Variants in MAPK10 observed in about 807,000 individuals in gnomAD.
MAPK10 encodes the protein JNK3 alpha protein kinase.
MAPK10 carries 25 observed loss-of-function variants against 59.3 expected under a neutral mutation model. The observed-to-expected ratio is 0.42, with a 90% CI of 0.31 to 0.59. The LOEUF (loss-of-function observed/expected upper bound fraction) is 0.59, where lower values mean the gene tolerates loss of function less well. MAPK10 is among the 20% of genes least tolerant of loss of function. The pLI, the probability that MAPK10 is intolerant of heterozygous loss-of-function variation, is 0.15. For synonymous variants in MAPK10, 190 were observed against 200.5 expected (o/e 0.95, Z 0.44); for missense variants, 351 against 568.9 (o/e 0.62, Z 3.90).
Position 86,071,024 on chromosome 4 carries a change from G to C in MAPK10, c.803-3069C>G, listed in dbSNP as rs551574066. Among the ~76,000 whole-genome samples the C allele has an allele frequency of 1.6e-3, 242 of 151,824 alleles. 1 individual carries two copies. Among genetic ancestry groups the C allele is most frequent in the African/African-American group, 4.7e-3 (194 of 41,412 alleles). On this transcript the variant is annotated intron_variant, in intron 9 of 13. Coordinates refer to ENST00000641462, the MANE Select transcript of MAPK10 (RefSeq NM_138982.4). ...GTCCCACCAACAGTGTAAAAGTGTT[G>C]CTATTTCTCCACATCCTCTCCAGCA...
intron 2 of MAPK10, among the ~76,000 whole-genome samples, chr4:86,212,522 A>G (rs1441375770): frequency 6.6e-6 from 1 of 152,186 alleles, no homozygotes; most frequent in African/African-American, 2.4e-5. Flanking sequence ...CCCTGTCTTG[A>G]AAACAAACTA....
At chr4:86,508,324 T>TCC (rs1348086245) in intron 1 of MAPK10, among the ~76,000 whole-genome samples, 4 of 152,128 alleles carry the variant, frequency 2.6e-5, no homozygotes, top group Non-Finnish European at 5.9e-5. Flanking sequence ...ACTCTTGGAC[T>TCC]CCCTCCCTTT....
At chr4:86,204,856 G>A (rs1489705840) in intron 2 of MAPK10, among the ~76,000 whole-genome samples, 2 of 152,000 alleles carry the variant, frequency 1.3e-5, no homozygotes, top group African/African-American at 4.8e-5. Flanking sequence ...CATAATCTAT[G>A]TGAGCTGATC....
At position 86,194,335 on chromosome 4, in the gene MAPK10, C is replaced by G. The variant is rs200408059; in HGVS notation, c.66+1G>C. On this transcript the variant is annotated splice_donor_variant, in intron 3 of 13. Coordinates refer to ENST00000641462, the MANE Select transcript of MAPK10 (RefSeq NM_138982.4). LOFTEE classifies it high-confidence loss of function. ...TTGTTTTACCTGTAAGGAACACACA[C>G]CTGACAAAAGGCAATTTTCACATCC... The G allele has an allele frequency of 1.2e-6, 2 of 1,612,528 alleles. No homozygotes were observed. The highest frequency in any genetic ancestry group is 2.7e-5 in the African/African-American group (2 of 74,970).
intron 1 of MAPK10, among the ~76,000 whole-genome samples, chr4:86,433,516 G>A (rs1748311185): frequency 6.7e-6 from 1 of 149,386 alleles, no homozygotes; most frequent in Admixed American, 6.7e-5. Context: ...TCCTATGTGT[G>A]GTCCAGGATC....
chr4:86,284,583 T>C (rs1020763112), intron 2 of MAPK10, among the ~76,000 whole-genome samples: 2 of 152,214 alleles, frequency 1.3e-5, no homozygotes, highest in African/African-American at 4.8e-5. Context: ...GGAATAATAC[T>C]ACCGGCCTCA....
rs1456875863 is a variant in MAPK10, at chr4:86,332,342, T to G, written c.-7+22188A>C. On this transcript the variant is annotated intron_variant, in intron 2 of 13. Coordinates refer to ENST00000641462, the MANE Select transcript of MAPK10 (RefSeq NM_138982.4). ...TCTCCTTCATTGGGAAGTTATTTTT[T>G]TAATTATTCTAAAAAGTTTTAAAAT... 5.9e-5 allele frequency among the ~76,000 whole-genome samples: 9 copies of G among 152,336 alleles called. No homozygotes were observed. The East Asian group carries it at 1.7e-3, about 29-fold the overall frequency.
chr4:86,367,560 A>G (rs929605156), intron 1 of MAPK10, among the ~76,000 whole-genome samples: 1 of 152,184 alleles, frequency 6.6e-6, no homozygotes, highest in African/African-American at 2.4e-5. Flanking sequence ...TGAGAGGCCA[A>G]AGAAAGAGGC....
At chr4:86,432,314 A>G (rs184380197) in intron 1 of MAPK10, among the ~76,000 whole-genome samples, 1 of 152,206 alleles carries the variant, frequency 6.6e-6, no homozygotes, top group African/African-American at 2.4e-5. Context: ...TTGCCCTGTC[A>G]CTGAGGCTGG....
In MAPK10 at chr4:86,546,511, C is replaced by T. The variant is rs191626335; in HGVS notation, c.-263+47399G>A. ...AGCGGAGGTTGCAGTGAGACGAGAT[C>T]GCGCTACTGCACTCCAGCCTGGGGG... On this transcript the variant is annotated intron_variant, in intron 1 of 4. Transcript: ENST00000502302. Among the ~76,000 whole-genome samples the T allele has an allele frequency of 9.6e-3, 1,445 of 149,982 alleles. 8 individuals carry two copies. The highest frequency in any genetic ancestry group is 0.014 in the Non-Finnish European group (964 of 67,716).
chr4:86,222,062 C>T (rs1191488555), intron 2 of MAPK10, among the ~76,000 whole-genome samples: 1 of 152,164 alleles, frequency 6.6e-6, no homozygotes, highest in African/African-American at 2.4e-5. Context: ...ACATGTAAGA[C>T]ATGCCAGCTT....
At chr4:86,283,918 G>C (rs1397135933) in intron 2 of MAPK10, among the ~76,000 whole-genome samples, 2 of 152,190 alleles carry the variant, frequency 1.3e-5, no homozygotes, top group African/African-American at 4.8e-5. Context: ...GGGAAAAGGG[G>C]GGTTTTCAAG....
rs534328700 is a variant in MAPK10 at position 86,525,270 on chromosome 4, T to C, written c.-263+68640A>G. Among the ~76,000 whole-genome samples, 5 of 152,268 alleles carry C rather than the reference T, an allele frequency of 3.3e-5. No homozygotes were observed. In the East Asian group the frequency reaches 7.7e-4, roughly 24 times the overall value. ...CAAGATCATGCCACTGACTCCAGCC[T>C]GGGTGACAGAGTGAGACCCCATCTC... On this transcript the variant is annotated intron_variant, in intron 1 of 4. Coordinates refer to the MAPK10 transcript ENST00000502302.
At chr4:86,176,449 G>C (rs1297533270) in intron 3 of MAPK10, among the ~76,000 whole-genome samples, 1 of 152,006 alleles carries the variant, frequency 6.6e-6, no homozygotes, top group African/African-American at 2.4e-5. Flanking sequence ...CTTGAATTCA[G>C]GTTAAACCAA....
chr4:86,467,889 A>C (rs982067734), intron 1 of MAPK10, among the ~76,000 whole-genome samples: 6 of 152,172 alleles, frequency 3.9e-5, no homozygotes, highest in Admixed American at 6.5e-5. Flanking sequence ...AAAAAAACCA[A>C]GAGTCCCCAT....
Position 86,101,138 on chromosome 4 carries a change from C to G in MAPK10, c.644G>C (p.Gly215Ala). The G allele has an allele frequency of 6.2e-7, 1 of 1,613,850 alleles. No individual in the cohort carries two copies. The highest frequency in any genetic ancestry group is 8.5e-7 in the Non-Finnish European group (1 of 1,179,814). The part of the protein sequence containing the change: ...ILDFGLARTA[G>A]TSFMMTPYVV... ...ATATGGAGTCATCATGAAGCTTGTGCCTGCTGTCCTGGCCAGTCCAAAGTC... is the reference window on the plus strand; with the variant it reads ...ATATGGAGTCATCATGAAGCTTGTGGCTGCTGTCCTGGCCAGTCCAAAGTC... The change falls in exon 8 of 14, where the codon GGC becomes GCC. Residue 215 changes from glycine (G) to alanine (A), a missense_variant. Around this residue, in one of 5 missense-constraint regions of MAPK10, gnomAD observed 76 missense variants for 197.9 expected, o/e 0.38. Transcript: ENST00000641462.
intron 2 of MAPK10, among the ~76,000 whole-genome samples, chr4:86,349,722 C>A (rs1366123671): frequency 2.0e-5 from 3 of 152,152 alleles, no homozygotes; most frequent in Non-Finnish European, 4.4e-5. Context: ...GTATTTAAAT[C>A]CCCTAGGAAT....
chr4:86,380,859 T>TAAAAAAA (rs35581530), intron 1 of MAPK10, among the ~76,000 whole-genome samples: 4 of 137,112 alleles, frequency 2.9e-5, no homozygotes, highest in Non-Finnish European at 6.2e-5. Context: ...TGGAAAGCAT[T>TAAAAAAA]AAAAAAAAAA....
rs2282595 is a variant in MAPK10, at chr4:86,064,495, T to G, written c.986-105A>C. 5.1e-3 allele frequency: 5,405 copies of G among 1,067,190 alleles called. 278 individuals carry two copies. In the East Asian group the frequency reaches 0.11, roughly 21 times the overall value. The allele number at this position is 1,067,190 out of a possible 1,614,324, so 66.1% of individuals were successfully genotyped here. On this transcript the variant is annotated intron_variant, in intron 10 of 13. Transcript: ENST00000641462. Reference sequence around the variant, plus strand: ...ACAAAGTATGGAATAGTATCTTCCTTCCAAACATCAGGTAAATCCCTTGAT... The same window carrying G: ...ACAAAGTATGGAATAGTATCTTCCTGCCAAACATCAGGTAAATCCCTTGAT...
Sources: allele counts gnomAD v4.1 joint callset (sites outside exome capture counted in the v4.1 genomes callset), GRCh38; gene constraint gnomAD v4.1.1; regional missense constraint gnomAD v4.1.1; transcripts MANE v1.5; gene names NCBI Gene and HGNC (gene_info 2026-07-23, HGNC 2026-07-21).